Variants in ERLIN2 observed in about 807,000 individuals in gnomAD.
ERLIN2 encodes erlin-2.
Under a neutral mutation model 41.5 loss-of-function variants are expected in ERLIN2, and 22 were observed. That is an observed-to-expected ratio of 0.53 (90% CI 0.38 to 0.76). The LOEUF (loss-of-function observed/expected upper bound fraction) is 0.76, where lower values mean the gene tolerates loss of function less well. Among genes scored for constraint, ERLIN2 ranks in the 30% least tolerant of loss-of-function variants. The pLI is 0.00. For missense variants in ERLIN2, 247 were observed against 414.3 expected (o/e 0.60, Z 3.51); for synonymous variants, 149 against 150.9 (o/e 0.99, Z 0.09).
chr8:37,738,742 G>A (rs988876649), intron 2 of ERLIN2, among the ~76,000 whole-genome samples: 3 of 152,054 alleles, frequency 2.0e-5, no homozygotes, highest in Non-Finnish European at 4.4e-5. Flanking sequence ...AAAATTAGCC[G>A]AGCATGGCAG....
At chr8:37,740,512 T>C (rs573870182) in intron 3 of ERLIN2, 66 bp downstream of exon 3, 30 of 1,139,116 alleles carry the variant, frequency 2.6e-5, no homozygotes, top group African/African-American at 4.6e-5. Flanking sequence ...GTGCATGATT[T>C]GAAATTATTT....
At chr8:37,750,095 G>A (rs1387465617) in intron 8 of ERLIN2, 6 of 627,778 alleles carry the variant, frequency 9.6e-6, no homozygotes, top group Admixed American at 7.7e-5. Context: ...GGGCCAGGGG[G>A]CCTTGTTTGT....
intron 6 of ERLIN2, chr8:37,747,372 T>A: frequency 6.9e-7 from 1 of 1,445,344 alleles, no homozygotes; most frequent in Non-Finnish European, 9.7e-7. Flanking sequence ...TCCCCTTCAT[T>A]TTCACTTTCT....
In ERLIN2 at chr8:37,741,408, G is replaced by T. The variant is rs111630106; in HGVS notation, c.190-364G>T. Among the ~76,000 whole-genome samples the T allele has an allele frequency of 9.8e-4, 149 of 152,228 alleles. No homozygotes were observed. The highest frequency in any genetic ancestry group is 3.5e-3 in the African/African-American group (144 of 41,522). ...CTTTATCATAGGTATGTGTTATAGG[G>T]TTTGGTACTCTCCCCGGTTTCAAGC... On this transcript the variant is annotated intron_variant, in intron 3 of 11. Coordinates refer to ENST00000519638, the MANE Select transcript of ERLIN2 (RefSeq NM_007175.8). The surrounding 1 kb of genome is among the most constrained non-coding windows in gnomAD (Gnocchi z 4.8).
At position 37,738,039 on chromosome 8, in the gene ERLIN2, A is replaced by T; in HGVS notation, c.107+10A>T. On this transcript the variant is annotated intron_variant, in intron 2 of 11. Transcript: ENST00000519638. Reference sequence around the variant, plus strand: ...TTGGGGTATATTACAGGTAAGGCAGAGACAGGGAGAAGCCGGCAACTTCCT... The same window carrying T: ...TTGGGGTATATTACAGGTAAGGCAGTGACAGGGAGAAGCCGGCAACTTCCT... 6.2e-7 allele frequency: 1 copy of T among 1,614,090 alleles called. No individual in the cohort carries two copies. The highest frequency in any genetic ancestry group is 8.5e-7 in the Non-Finnish European group (1 of 1,179,936).
At chr8:37,745,759 A>AGGCCGGGCGCGG in intron 6 of ERLIN2, 1 of 1,505,022 alleles carries the variant, frequency 6.6e-7, no homozygotes, top group Admixed American at 2.2e-5. Context: ...ATGAATCTAA[A>AGGCCGGGCGCGG]TTCATTTTAT....
At chr8:37,748,256 G>A (rs914577590) in intron 6 of ERLIN2, among the ~76,000 whole-genome samples, 2 of 152,232 alleles carry the variant, frequency 1.3e-5, no homozygotes, top group African/African-American at 2.4e-5. Context: ...AATTTGGTCT[G>A]AGGAATGACG....
intron 1 of ERLIN2, chr8:37,737,584 A>G: frequency 2.7e-6 from 1 of 369,736 alleles, no homozygotes; most frequent in African/African-American, 2.1e-5. Context: ...GGAAAGGTTC[A>G]GTGACAGCAC....
intron 6 of ERLIN2, chr8:37,747,503 C>T (rs1360340963): frequency 1.2e-6 from 2 of 1,612,358 alleles, no homozygotes; most frequent in Non-Finnish European, 1.7e-6. Context: ...GCCTCAATCT[C>T]CTCTTCCTCT....
At chr8:37,751,559 G>C in intron 9 of ERLIN2, 67 bp from the exon 10 acceptor site, 1 of 1,377,154 alleles carries the variant, frequency 7.3e-7, no homozygotes, top group Non-Finnish European at 1.0e-6. Context: ...CACTCAGCTC[G>C]GGTGAAAGGT....
chr8:37,737,932 T>G lies in ERLIN2; in HGVS notation c.10T>G (p.Leu4Val). The stretch of plus-strand genomic sequence containing the variant: ...GGATAAAGGCTCACTGATGGCTCAG[T>G]TGGGAGCAGTTGTGGCTGTGGCTTC... MAQ[L>V]GAVVAVASSF... The change falls in exon 2 of 12, where the codon TTG (leucine) becomes GTG (valine). Residue 4 changes from leucine to valine, a missense_variant. Physicochemically the swap from Leu to Val is conservative, Grantham distance 32 (BLOSUM62 1). Coordinates refer to ENST00000519638, the MANE Select transcript of ERLIN2 (RefSeq NM_007175.8). 6.2e-7 allele frequency: 1 copy of G among 1,614,194 alleles called. No individual in the cohort carries two copies. The highest frequency in any genetic ancestry group is 8.5e-7 in the Non-Finnish European group (1 of 1,180,020).
intron 8 of ERLIN2, 99 bp from the exon 9 acceptor site, chr8:37,750,296 G>T (rs1803188235): frequency 1.1e-6 from 1 of 886,226 alleles, no homozygotes; most frequent in Admixed American, 2.0e-5. Context: ...AGTAGGAAAT[G>T]GGAGTTTGCC....
chr8:37,745,040 A>C (rs1444262040), intron 6 of ERLIN2: 16 of 590,018 alleles, frequency 2.7e-5, no homozygotes, highest in Non-Finnish European at 3.3e-5. Flanking sequence ...AGAACCTTAG[A>C]GATTGTCCAG....
chr8:37,744,175 G>A (rs79477376), intron 4 of ERLIN2, among the ~76,000 whole-genome samples, 180 bp from the exon 5 acceptor site: 44 of 152,324 alleles, frequency 2.9e-4, no homozygotes, highest in Non-Finnish European at 5.9e-4. Context: ...TCTCAGGAGA[G>A]TATGTTGTTG....
chr8:37,744,982 A>C (rs1486479194), intron 6 of ERLIN2: 1 of 611,590 alleles, frequency 1.6e-6, no homozygotes, highest in East Asian at 2.7e-5. Flanking sequence ...ATGTGTTCCC[A>C]CTGTTCCTAA....
At chr8:37,742,070 G>A (rs537540299) in intron 4 of ERLIN2, among the ~76,000 whole-genome samples, 7 of 152,158 alleles carry the variant, frequency 4.6e-5, no homozygotes, top group East Asian at 3.9e-4. Flanking sequence ...TCGGCCGGGC[G>A]CGGTGGCTCA....
intron 6 of ERLIN2, chr8:37,747,587 T>A: frequency 1.2e-6 from 2 of 1,612,230 alleles, no homozygotes; most frequent in Non-Finnish European, 1.7e-6. Context: ...ATCACCTTCT[T>A]AGGAGGCTCT....
chr8:37,753,548 C>G lies in ERLIN2; in HGVS notation c.819+19C>G. 6.2e-7 allele frequency: 1 copy of G among 1,610,736 alleles called. No individual in the cohort carries two copies. Among genetic ancestry groups the G allele is most frequent in the Non-Finnish European group, 8.5e-7 (1 of 1,177,048 alleles). On this transcript the variant is annotated intron_variant, in intron 11 of 11. Coordinates refer to ENST00000519638, the MANE Select transcript of ERLIN2 (RefSeq NM_007175.8). ...CAATAAGGTAAAGACCCCGCACAGC[C>G]TGATAAAAAGGAGTCTTTGGGTCTG...
chr8:37,739,062 A>G (rs1802761422), intron 2 of ERLIN2, among the ~76,000 whole-genome samples: 1 of 152,174 alleles, frequency 6.6e-6, no homozygotes. Flanking sequence ...AGAAGCACTT[A>G]TAAGTCTTGG....
Sources: gnomAD v4.1 joint callset for allele counts (sites outside exome capture counted in the v4.1 genomes callset) on GRCh38, gnomAD v4.1.1 for gene constraint, Gnocchi (gnomAD v3.1) non-coding constraint, MANE v1.5 for transcripts, NCBI Gene and HGNC (gene_info 2026-07-23, HGNC 2026-07-21) for gene names.